The following PLEKHA7 variants were observed in gnomAD, a reference collection of about 807,000 sequenced individuals.
The protein encoded by PLEKHA7 is pleckstrin homology domain-containing family A member 7.
PLEKHA7 carries 104 observed loss-of-function variants against 170.0 expected under a neutral mutation model. The observed-to-expected ratio is 0.61, with a 90% CI of 0.52 to 0.72. The LOEUF is 0.72. Among genes scored for constraint, PLEKHA7 ranks in the 30% least tolerant of loss-of-function variants. PLEKHA7 has a pLI of 0.00. For missense variants in PLEKHA7, 1,615 were observed against 1,671.7 expected, an observed-to-expected ratio of 0.97 and a Z score of 0.59; for synonymous variants, 648 against 660.8, an observed-to-expected ratio of 0.98 and a Z score of 0.30.
intron 10 of PLEKHA7, among the ~76,000 whole-genome samples, chr11:16,824,914 C>G (rs1316103363): frequency 6.6e-6 from 1 of 152,228 alleles, no homozygotes; most frequent in Non-Finnish European, 1.5e-5. Context: ...AGAAGAGCAG[C>G]TTCCCTTCCC....
Position 16,789,286 on chromosome 11 carries a change from C to T in PLEKHA7, c.3167G>A (p.Ser1056Asn). Residue 1056 changes from serine to asparagine, a missense_variant, in exon 23 of 27, where the codon AGT becomes AAT. Transcript: ENST00000531066. The surrounding 1 kb of genome is among the most constrained non-coding windows in gnomAD (Gnocchi z 4.6). ...SSKATFPRPKSALERLYSGDH... is the reference protein window; with the variant it reads ...SSKATFPRPKNALERLYSGDH... The stretch of plus-strand genomic sequence containing the variant: ...CCCTGAGTACAGGCGCTCCAAGGCA[C>T]TCTTAGGTCTCTGAGGAAGAGGAGG... 6.2e-7 allele frequency: 1 copy of T among 1,613,248 alleles called. No homozygotes were observed. The highest frequency in any genetic ancestry group is 8.5e-7 in the Non-Finnish European group (1 of 1,180,022).
chr11:16,934,648 ATTGTT>A (rs1860164545), intron 3 of PLEKHA7, among the ~76,000 whole-genome samples: 1 of 152,090 alleles, frequency 6.6e-6, no homozygotes, highest in Non-Finnish European at 1.5e-5. Flanking sequence ...ATTGATCCTG[ATTGTT>A]TTATTTTGTT....
At chr11:16,921,672 T>C (rs1859100259) in intron 3 of PLEKHA7, among the ~76,000 whole-genome samples, 1 of 152,180 alleles carries the variant, frequency 6.6e-6, no homozygotes, top group Admixed American at 6.5e-5. Context: ...ATGTGGACAA[T>C]AATTAAGTTG....
chr11:16,929,493 C>T (rs1306087025), intron 3 of PLEKHA7, among the ~76,000 whole-genome samples: 1 of 152,340 alleles, frequency 6.6e-6, no homozygotes, highest in East Asian at 1.9e-4. Flanking sequence ...TTTCTCACAC[C>T]TGGTGTGCCA....
intron 3 of PLEKHA7, among the ~76,000 whole-genome samples, chr11:16,940,479 G>A (rs886435408): frequency 3.3e-5 from 5 of 151,694 alleles, no homozygotes; most frequent in Non-Finnish European, 5.9e-5. Flanking sequence ...TAGTACAGAC[G>A]GGGTTCCACC....
chr11:16,805,324 GAGA>G (rs1284514290), intron 13 of PLEKHA7, among the ~76,000 whole-genome samples: 1 of 152,172 alleles, frequency 6.6e-6, no homozygotes, highest in African/African-American at 2.4e-5. Context: ...AGGACATTTT[GAGA>G]AGAAGCTGAA....
intron 3 of PLEKHA7, among the ~76,000 whole-genome samples, chr11:16,916,941 G>A (rs1161264222): frequency 1.3e-5 from 2 of 152,118 alleles, no homozygotes; most frequent in Non-Finnish European, 2.9e-5. Context: ...TTTTGAGGCC[G>A]GGCACGGTGG....
chr11:16,854,055 C>T (rs998121142), intron 6 of PLEKHA7, among the ~76,000 whole-genome samples: 1 of 152,194 alleles, frequency 6.6e-6, no homozygotes, highest in Non-Finnish European at 1.5e-5. Context: ...ATGAGTTCCT[C>T]GAGGGCAGGA....
chr11:16,954,673 CT>C (rs1861599542), intron 3 of PLEKHA7, among the ~76,000 whole-genome samples: 1 of 151,456 alleles, frequency 6.6e-6, no homozygotes, highest in Admixed American at 6.6e-5. Context: ...TAACGACATA[CT>C]TTACAGTTGT....
intron 4 of PLEKHA7, among the ~76,000 whole-genome samples, chr11:16,869,095 A>C (rs1193135374): frequency 6.6e-6 from 1 of 152,204 alleles, no homozygotes; most frequent in Admixed American, 6.5e-5. Context: ...GGATTCTATA[A>C]ACAAATTCAT....
At chr11:17,005,782 G>A (rs10741719) in intron 3 of PLEKHA7, among the ~76,000 whole-genome samples, 96,643 of 152,028 alleles carry the variant, frequency 0.64, 31,351 homozygotes, top group East Asian at 0.96. Flanking sequence ...CCTTCCTTTC[G>A]CTTTCTAAAC....
chr11:16,956,524 C>T (rs1464354975), intron 3 of PLEKHA7, among the ~76,000 whole-genome samples: 2 of 152,212 alleles, frequency 1.3e-5, no homozygotes, highest in Non-Finnish European at 2.9e-5. Context: ...AGTTCCATGG[C>T]TCTCTCTACT....
intron 4 of PLEKHA7, among the ~76,000 whole-genome samples, chr11:16,856,885 C>T (rs445205): frequency 0.11 from 17,397 of 152,204 alleles, 1,100 homozygotes; most frequent in East Asian, 0.16. Context: ...CAACAGAATC[C>T]AGGTCATTGG....
chr11:16,891,305 A>G (rs977937967), intron 3 of PLEKHA7, among the ~76,000 whole-genome samples: 1 of 152,176 alleles, frequency 6.6e-6, no homozygotes, highest in African/African-American at 2.4e-5. Context: ...AGTGGCATAT[A>G]AAATATACAA....
intron 3 of PLEKHA7, among the ~76,000 whole-genome samples, chr11:16,916,350 C>T (rs537180081): frequency 6.6e-6 from 1 of 152,126 alleles, no homozygotes; most frequent in South Asian, 2.1e-4. Context: ...TGTGCAGAAG[C>T]GCCAAGTGGA....
chr11:16,818,540 T>C (rs1240315842), intron 10 of PLEKHA7, among the ~76,000 whole-genome samples: 3 of 152,260 alleles, frequency 2.0e-5, no homozygotes, highest in African/African-American at 7.2e-5. Flanking sequence ...CCAACTCTGT[T>C]TGACCTCGTC....
chr11:16,997,018 C>G (rs1864383208), intron 3 of PLEKHA7, among the ~76,000 whole-genome samples: 3 of 152,210 alleles, frequency 2.0e-5, no homozygotes, highest in African/African-American at 7.2e-5. Flanking sequence ...CAGCCTGGAG[C>G]TACCAGGCCC....
intron 9 of PLEKHA7, among the ~76,000 whole-genome samples, chr11:16,829,479 C>T (rs1034768612): frequency 7.9e-5 from 12 of 152,042 alleles, no homozygotes; most frequent in South Asian, 2.1e-4. Context: ...GAGGAAAATA[C>T]GGGAAATATT....
intron 8 of PLEKHA7, chr11:16,842,260 A>C (rs1050669107): frequency 6.5e-6 from 1 of 152,870 alleles, no homozygotes; most frequent in African/African-American, 2.4e-5. Flanking sequence ...ACAGGATGTG[A>C]GGGCAATCTG....
Sources: allele counts gnomAD v4.1 joint callset (sites outside exome capture counted in the v4.1 genomes callset), GRCh38; gene constraint gnomAD v4.1.1; non-coding constraint Gnocchi (gnomAD v3.1); transcripts MANE v1.5; gene names NCBI Gene and HGNC (gene_info 2026-07-23, HGNC 2026-07-21).